Variants in STYX observed in about 807,000 individuals in gnomAD.
STYX encodes the protein serine/threonine/tyrosine interacting protein, also known as serine/threonine/tyrosine-interacting protein.
A neutral mutation model predicts 42.7 loss-of-function variants in STYX; 20 were observed. The observed-to-expected ratio is 0.47, with a 90% confidence interval of 0.33 to 0.68. The LOEUF (loss-of-function observed/expected upper bound fraction) is 0.68. Among genes scored for constraint, STYX ranks in the 30% least tolerant of loss-of-function variants. The probability of loss-of-function intolerance (pLI) is 0.02; values close to 1 mark genes in which losing one functional copy is unlikely to be tolerated. For synonymous variants in STYX, 78 were observed against 81.9 expected (o/e 0.95, Z 0.26); for missense variants, 226 against 268.5 (o/e 0.84, Z 1.11).
chr14:52,761,847 C>T (rs1299724964), intron 9 of STYX, among the ~76,000 whole-genome samples: 1 of 149,364 alleles, frequency 6.7e-6, no homozygotes, highest in South Asian at 2.2e-4. Flanking sequence ...GAGTTTGAGA[C>T]CAGCCTGGCC....
chr14:52,741,542 A>G (rs2139888449), intron 1 of STYX, among the ~76,000 whole-genome samples: 1 of 151,568 alleles, frequency 6.6e-6, no homozygotes, highest in South Asian at 2.1e-4. Flanking sequence ...GATTCAAGCA[A>G]CTCTCCTGCC....
intron 4 of STYX, among the ~76,000 whole-genome samples, chr14:52,755,047 C>G (rs1380413252): frequency 3.3e-5 from 5 of 151,918 alleles, no homozygotes; most frequent in African/African-American, 9.7e-5. Context: ...TTGTCGAAAT[C>G]CTTGTAGGTT....
intron 9 of STYX, among the ~76,000 whole-genome samples, chr14:52,765,226 T>A (rs898105745): frequency 2.0e-5 from 3 of 152,176 alleles, no homozygotes; most frequent in Admixed American, 1.3e-4. Flanking sequence ...TTGTTTTTTA[T>A]TTTTTGGAGA....
intron 9 of STYX, among the ~76,000 whole-genome samples, chr14:52,764,666 C>CGT (rs1882229196): frequency 1.0e-5 from 1 of 99,014 alleles, no homozygotes; most frequent in African/African-American, 3.9e-5. Context: ...TTTACTTTTC[C>CGT]TTTTTTTTTT....
At position 52,760,192 on chromosome 14, in the gene STYX, A is replaced by G. The variant is rs556060385; in HGVS notation, c.504+438A>G. Among the ~76,000 whole-genome samples, 24 of 152,234 alleles carry G rather than the reference A, an allele frequency of 1.6e-4. No homozygotes were observed. In the South Asian group the frequency reaches 4.6e-3, roughly 29 times the overall value. Reference sequence around the variant, plus strand: ...ACTCCAGCCTGGCCCACAGAGTGAGACCCCATCCCTAAAAAATTAAAAAAA... The same window carrying G: ...ACTCCAGCCTGGCCCACAGAGTGAGGCCCCATCCCTAAAAAATTAAAAAAA... On this transcript the variant is annotated intron_variant, in intron 9 of 10. Coordinates refer to ENST00000354586, the MANE Select transcript of STYX (RefSeq NM_145251.4).
intron 4 of STYX, among the ~76,000 whole-genome samples, chr14:52,753,379 G>C (rs973688760): frequency 2.0e-5 from 3 of 151,932 alleles, no homozygotes; most frequent in Admixed American, 6.6e-5. Context: ...TACAGACGGG[G>C]TTTCACCATG....
chr14:52,761,632 C>T (rs1477837487), intron 9 of STYX, among the ~76,000 whole-genome samples: 4 of 148,252 alleles, frequency 2.7e-5, no homozygotes, highest in Non-Finnish European at 6.0e-5. Flanking sequence ...GCAATGGCGC[C>T]ATCTCGGTTC....
At position 52,730,214 on chromosome 14, in the gene STYX, C is replaced by T. The variant is rs1442825658; in HGVS notation, c.-261C>T. On this transcript the variant is annotated 5_prime_UTR_variant, in exon 1 of 11. In the 5' UTR this introduces an upstream ATG that the reference lacks. Transcript: ENST00000354586. ...TGGATCCTGGGCGGCCTGAGGGGTA[C>T]GGAGACTCTGGGGGAGGGAGACGGC... The T allele has an allele frequency of 1.8e-6, 1 of 542,784 alleles. No individual in the cohort carries two copies. The highest frequency in any genetic ancestry group is 3.3e-6 in the Non-Finnish European group (1 of 303,658). 33.6% of individuals were successfully genotyped at this position (542,784 alleles called of 1,614,324 possible). A position where few individuals can be genotyped will look rare whatever the true frequency, so the allele number is the denominator to read the frequency against.
chr14:52,743,227 G>A (rs969121897), intron 1 of STYX, among the ~76,000 whole-genome samples: 8 of 151,278 alleles, frequency 5.3e-5, no homozygotes, highest in African/African-American at 1.7e-4. Flanking sequence ...GTCTCTCATT[G>A]TAGGATTATT....
At chr14:52,763,576 G>T (rs957764974) in intron 9 of STYX, among the ~76,000 whole-genome samples, 11 of 151,696 alleles carry the variant, frequency 7.3e-5, no homozygotes, top group African/African-American at 2.7e-4. Flanking sequence ...TTTCAGTTTT[G>T]GTTTCATTTT....
rs747503014 is a variant in STYX, at chr14:52,768,872, A to G, written c.537A>G (p.Thr179=). The change falls in exon 10 of 11, where the codon ACA becomes ACG. Residue 179 remains threonine, a synonymous_variant. Transcript: ENST00000354586. ...AAGCCATCTACCTAGCAAAATTAAC[A>G]ATACAGATGATGTCACCACTCCAGA... ...EYEAIYLAKL[T]IQMMSPLQIE... 6.2e-7 allele frequency: 1 copy of G among 1,600,434 alleles called. No homozygotes were observed.
Position 52,733,292 on chromosome 14 carries a change from G to C in STYX, c.57+2761G>C, listed in dbSNP as rs558962390. On this transcript the variant is annotated intron_variant, in intron 1 of 10. Transcript: ENST00000354586. ...ATTCCTGCAAAACTGATAAATTCTT[G>C]CTGGGAATATATACCTGTCTTTTCT... is the stretch of plus-strand genomic sequence containing the variant. Among the ~76,000 whole-genome samples, 18 of 152,126 alleles carry C rather than the reference G, an allele frequency of 1.2e-4. 1 individual carries two copies. The South Asian group carries it at 3.7e-3, about 32-fold the overall frequency.
intron 9 of STYX, 60 bp from the exon 10 acceptor site, chr14:52,768,780 A>C: frequency 8.3e-7 from 1 of 1,204,380 alleles, no homozygotes; most frequent in Non-Finnish European, 1.2e-6. Context: ...ATTAATCACT[A>C]TTTTGGGTAT....
intron 3 of STYX, 110 bp from the exon 4 acceptor site, chr14:52,750,573 A>C (rs1184072080): frequency 1.2e-5 from 8 of 695,032 alleles, no homozygotes; most frequent in Non-Finnish European, 1.9e-5. Context: ...ACTTAAGCAG[A>C]GATGTGGGTT....
At chr14:52,747,334 A>G (rs1881432847) in intron 3 of STYX, among the ~76,000 whole-genome samples, 2 of 152,230 alleles carry the variant, frequency 1.3e-5, no homozygotes, top group African/African-American at 4.8e-5. Context: ...AGAAGTCAGT[A>G]TACTTAAATT....
chr14:52,759,778 C>A (rs776019882), intron 9 of STYX, 24 bp downstream of exon 9: 5 of 1,446,756 alleles, frequency 3.5e-6, no homozygotes, highest in Non-Finnish European at 4.8e-6. Context: ...CTCTTTAAGG[C>A]AATCAGAAGT....
At position 52,752,984 on chromosome 14, in the gene STYX, G is replaced by C. The variant is rs571798675; in HGVS notation, c.242+2204G>C. Among the ~76,000 whole-genome samples, 134 of 141,820 alleles carry C rather than the reference G, an allele frequency of 9.4e-4. 1 individual carries two copies. Among genetic ancestry groups the C allele is most frequent in the Middle Eastern group, 7.3e-3 (2 of 274 alleles). 93.0% of individuals were successfully genotyped at this position (141,820 alleles called of 152,430 possible). ...CAACCTCTGCCTCCTGGGTTCAAGCGATTCTCCTGCCTCAGCCTCCTGAGT... is the reference window on the plus strand; with the variant it reads ...CAACCTCTGCCTCCTGGGTTCAAGCCATTCTCCTGCCTCAGCCTCCTGAGT... On this transcript the variant is annotated intron_variant, in intron 4 of 10. Coordinates refer to ENST00000354586, the MANE Select transcript of STYX (RefSeq NM_145251.4).
chr14:52,766,730 T>C (rs556847483), intron 9 of STYX, among the ~76,000 whole-genome samples: 61 of 152,312 alleles, frequency 4.0e-4, no homozygotes, highest in Non-Finnish European at 6.6e-4. Context: ...TATTTACCCT[T>C]TTGGTTGTTC....
At chr14:52,741,951 TTTGA>T (rs1178482092) in intron 1 of STYX, among the ~76,000 whole-genome samples, 1 of 152,214 alleles carries the variant, frequency 6.6e-6, no homozygotes, top group Non-Finnish European at 1.5e-5. Context: ...TAAATTAGTT[TTTGA>T]TTGTGAGCTT....
Sources: allele counts gnomAD v4.1 joint callset (sites outside exome capture counted in the v4.1 genomes callset), GRCh38; gene constraint gnomAD v4.1.1; transcripts MANE v1.5; gene names NCBI Gene and HGNC (gene_info 2026-07-23, HGNC 2026-07-21).